RORA: variants seen among roughly 807,000 people sequenced by gnomAD.
RORA encodes the protein nuclear receptor ROR-alpha.
Under a neutral mutation model 69.5 loss-of-function variants are expected in RORA, and 7 were observed. The observed-to-expected ratio is 0.10, with a 90% CI of 0.06 to 0.19. RORA has a LOEUF of 0.19. Ranked by LOEUF, RORA falls within the 10% of genes least tolerant of loss-of-function variation. The probability of loss-of-function intolerance (pLI) is 1.00; values close to 1 mark genes in which losing one functional copy is unlikely to be tolerated. For missense variants in RORA, 457 were observed against 663.0 expected (o/e 0.69, Z 3.41); for synonymous variants, 261 against 240.8 (o/e 1.08, Z -0.78).
intron 1 of RORA, among the ~76,000 whole-genome samples, chr15:61,058,937 T>G (rs375014807): frequency 4.5e-4 from 69 of 152,340 alleles, no homozygotes; most frequent in African/African-American, 1.6e-3. Flanking sequence ...TAGTCATCTG[T>G]AAAATATGGT....
intron 1 of RORA, among the ~76,000 whole-genome samples, chr15:60,976,684 G>A (rs1893881015): frequency 6.6e-6 from 1 of 152,072 alleles, no homozygotes; most frequent in South Asian, 2.1e-4. Flanking sequence ...ATCTCAGGAG[G>A]AGACCCCAGA....
chr15:60,813,064 T>C (rs2072765540), intron 1 of RORA, among the ~76,000 whole-genome samples: 1 of 152,144 alleles, frequency 6.6e-6, no homozygotes, highest in African/African-American at 2.4e-5. Flanking sequence ...ATCGGTGGTC[T>C]TTCTCTATCT....
intron 1 of RORA, among the ~76,000 whole-genome samples, chr15:60,858,757 T>C (rs1170118470): frequency 6.7e-6 from 1 of 148,446 alleles, no homozygotes; most frequent in Middle Eastern, 3.2e-3. Context: ...GTTTGGTCAA[T>C]CCACAAAAAA....
chr15:60,774,659 C>A (rs1200501486), intron 1 of RORA, among the ~76,000 whole-genome samples: 1 of 152,218 alleles, frequency 6.6e-6, no homozygotes, highest in Non-Finnish European at 1.5e-5. Flanking sequence ...CAGTCTTTAT[C>A]TTCCTTTACA....
At chr15:60,632,730 G>T (rs2069765537) in intron 2 of RORA, among the ~76,000 whole-genome samples, 1 of 152,100 alleles carries the variant, frequency 6.6e-6, no homozygotes. Flanking sequence ...ATTAGCTGAG[G>T]CACAAGTTTT....
At position 60,650,544 on chromosome 15, in the gene RORA, G is replaced by A. The variant is rs339994; in HGVS notation, c.196+28113C>T. 641 of 152,256 alleles carry A rather than the reference G, an allele frequency of 4.2e-3. 2 individuals are homozygous for A. Among genetic ancestry groups the A allele is most frequent in the African/African-American group, 0.014 (580 of 41,526 alleles). The allele number at this position is 152,256 out of a possible 1,614,324, so 9.4% of individuals were successfully genotyped here. ...GAGTCGAGGATATCTCAAAAATTGG[G>A]GAGAGAAATTCCACGGAGAGAGGGT... On this transcript the variant is annotated intron_variant, in intron 2 of 10. Coordinates refer to ENST00000335670, the MANE Select transcript of RORA (RefSeq NM_134261.3).
chr15:61,027,883 A>G (rs1372130324), intron 1 of RORA, among the ~76,000 whole-genome samples: 2 of 152,228 alleles, frequency 1.3e-5, no homozygotes, highest in Non-Finnish European at 1.5e-5. Context: ...GCTAGGAGAA[A>G]TAAATGACCT....
Position 60,822,633 on chromosome 15 carries a change from T to A in RORA, c.167-143947A>T, listed in dbSNP as rs79993987. On this transcript the variant is annotated intron_variant, in intron 1 of 10. Transcript: ENST00000335670. Reference sequence around the variant, plus strand: ...TGACTGTTGAGTGTGTGAATCAGCATCTGGGTGGTGAAGCACCCCAGGATG... The same window carrying A: ...TGACTGTTGAGTGTGTGAATCAGCAACTGGGTGGTGAAGCACCCCAGGATG... Among the ~76,000 whole-genome samples the A allele has an allele frequency of 7.3e-3, 1,105 of 152,330 alleles. 21 individuals carry two copies. Among genetic ancestry groups the A allele is most frequent in the African/African-American group, 0.025 (1,055 of 41,570 alleles).
At chr15:60,906,574 T>C (rs902995782) in intron 1 of RORA, among the ~76,000 whole-genome samples, 9 of 152,234 alleles carry the variant, frequency 5.9e-5, no homozygotes, top group African/African-American at 1.9e-4. Context: ...GTTTCTCTTC[T>C]GCAGCTTAAT....
chr15:61,194,242 A>G (rs1454248893), intron 1 of RORA: 1 of 152,228 alleles, frequency 6.6e-6, no homozygotes, highest in Non-Finnish European at 1.5e-5. Context: ...ACAAGCCATC[A>G]CATATTTCTT....
intron 1 of RORA, among the ~76,000 whole-genome samples, chr15:60,913,234 G>A (rs976232436): frequency 6.6e-6 from 1 of 152,296 alleles, no homozygotes; most frequent in Admixed American, 6.5e-5. Context: ...GGCTCAGGGA[G>A]GGGCCCTTGG....
chr15:60,786,478 A>G (rs2072335632), intron 1 of RORA, among the ~76,000 whole-genome samples: 1 of 152,216 alleles, frequency 6.6e-6, no homozygotes, highest in Non-Finnish European at 1.5e-5. Flanking sequence ...GCACAGCAGG[A>G]GTGGGCTGGG....
chr15:61,087,359 T>C (rs1252439759), intron 1 of RORA, among the ~76,000 whole-genome samples: 3 of 152,220 alleles, frequency 2.0e-5, no homozygotes, highest in African/African-American at 7.2e-5. Flanking sequence ...ATCAATCCTG[T>C]CAAGCCAATG....
At chr15:60,722,249 T>C (rs1313627935) in intron 1 of RORA, among the ~76,000 whole-genome samples, 1 of 152,232 alleles carries the variant, frequency 6.6e-6, no homozygotes, top group East Asian at 1.9e-4. Context: ...TTCACATAAG[T>C]ACATAAAATT....
intron 2 of RORA, among the ~76,000 whole-genome samples, chr15:60,536,316 GTTA>G (rs2066677788): frequency 6.6e-6 from 1 of 152,146 alleles, no homozygotes; most frequent in African/African-American, 2.4e-5. Context: ...GTAAATAGTA[GTTA>G]TTATTATTGT....
chr15:60,704,605 A>G (rs1157990238), intron 1 of RORA, among the ~76,000 whole-genome samples: 2 of 152,230 alleles, frequency 1.3e-5, no homozygotes, highest in African/African-American at 4.8e-5. Context: ...AATAAAATAT[A>G]AAAGGAAATA....
intron 2 of RORA, among the ~76,000 whole-genome samples, chr15:60,567,417 T>TTATTA (rs201344738): frequency 7.4e-6 from 1 of 135,216 alleles, no homozygotes. Context: ...ATTATTATTA[T>TTATTA]TTTTTTTTTT....
chr15:60,694,960 T>C (rs1596133292), intron 1 of RORA, among the ~76,000 whole-genome samples: 1 of 152,182 alleles, frequency 6.6e-6, no homozygotes, highest in Non-Finnish European at 1.5e-5. Flanking sequence ...AAGTGGGATT[T>C]ATTTGTCTAT....
intron 1 of RORA, among the ~76,000 whole-genome samples, chr15:61,098,609 C>T (rs1399865809): frequency 6.6e-6 from 1 of 152,124 alleles, no homozygotes; most frequent in African/African-American, 2.4e-5. Context: ...TCCTCAAATG[C>T]TAGGGTTAAA....
Sources: gnomAD v4.1 joint callset for allele counts (sites outside exome capture counted in the v4.1 genomes callset) on GRCh38, gnomAD v4.1.1 for gene constraint, MANE v1.5 for transcripts, NCBI Gene and HGNC (gene_info 2026-07-23, HGNC 2026-07-21) for gene names.